Variants in SPATA16 observed in about 807,000 individuals in gnomAD.
The protein encoded by SPATA16 is spermatogenesis-associated protein 16.
Under a neutral mutation model 63.3 loss-of-function variants are expected in SPATA16, and 36 were observed. The ratio of observed to expected loss-of-function variants is 0.57; its 90% CI spans 0.44 to 0.75. The LOEUF (loss-of-function observed/expected upper bound fraction) is 0.75. SPATA16 is among the 30% of genes least tolerant of loss of function. The pLI is 0.00. For synonymous variants in SPATA16, 203 were observed against 216.7 expected, an observed-to-expected ratio of 0.94 and a Z score of 0.56; for missense variants, 646 against 679.3, an observed-to-expected ratio of 0.95 and a Z score of 0.54.
intron 6 of SPATA16, among the ~76,000 whole-genome samples, chr3:172,951,352 A>T (rs1246988311): frequency 6.6e-6 from 1 of 152,150 alleles, no homozygotes; most frequent in African/African-American, 2.4e-5. Flanking sequence ...TACAAGGCAG[A>T]TTTGAATTTT....
chr3:173,035,856 G>T (rs975887500), intron 3 of SPATA16, among the ~76,000 whole-genome samples: 1 of 152,002 alleles, frequency 6.6e-6, no homozygotes, highest in African/African-American at 2.4e-5. Context: ...CAAAAGCATG[G>T]TAGGGAAAAC....
chr3:173,038,375 A>G (rs1735762297), intron 3 of SPATA16, among the ~76,000 whole-genome samples: 1 of 152,074 alleles, frequency 6.6e-6, no homozygotes. Flanking sequence ...AGCCTGGGTG[A>G]GGCCGATTCA....
At chr3:173,096,193 A>C (rs1016079077) in intron 2 of SPATA16, among the ~76,000 whole-genome samples, 3 of 152,128 alleles carry the variant, frequency 2.0e-5, no homozygotes, top group African/African-American at 7.2e-5. Flanking sequence ...TACCTTAAGA[A>C]ATGGGCATTT....
intron 2 of SPATA16, among the ~76,000 whole-genome samples, chr3:173,059,008 A>G (rs1736314153): frequency 6.6e-6 from 1 of 151,956 alleles, no homozygotes; most frequent in South Asian, 2.1e-4. Flanking sequence ...ATTTTTCTAG[A>G]AAATCATAGG....
Position 172,977,170 on chromosome 3 carries a change from C to T in SPATA16, c.849-118G>A, listed in dbSNP as rs1241275428. The T allele has an allele frequency of 1.6e-5, 14 of 857,714 alleles. No individual in the cohort carries two copies. In the East Asian group the frequency reaches 2.9e-4, roughly 18 times the overall value. 53.1% of individuals were successfully genotyped at this position (857,714 alleles called of 1,614,324 possible). On this transcript the variant is annotated intron_variant, in intron 4 of 10. Coordinates refer to ENST00000351008, the MANE Select transcript of SPATA16 (RefSeq NM_031955.6). The stretch of plus-strand genomic sequence containing the variant: ...GATGATTTTTAATGTATAAATTTGT[C>T]TAGACTAATATTAAGCAAAACACAA...
chr3:173,032,975 A>C (rs1263796263), intron 3 of SPATA16, among the ~76,000 whole-genome samples: 1 of 152,160 alleles, frequency 6.6e-6, no homozygotes, highest in Non-Finnish European at 1.5e-5. Flanking sequence ...TGAGATCTAC[A>C]TCTCTTGTGA....
At chr3:173,121,352 T>A (rs1273048703) in intron 1 of SPATA16, among the ~76,000 whole-genome samples, 5 of 152,188 alleles carry the variant, frequency 3.3e-5, no homozygotes. Flanking sequence ...GTTTTCAGCC[T>A]TATTTAGCAC....
chr3:173,127,522 G>C (rs573790391), intron 1 of SPATA16, among the ~76,000 whole-genome samples: 1 of 152,198 alleles, frequency 6.6e-6, no homozygotes, highest in South Asian at 2.1e-4. Context: ...TCTTTCTTCA[G>C]CTTTTTTCTA....
Position 172,889,393 on chromosome 3 carries a change from G to C in SPATA16, c.*177C>G, listed in dbSNP as rs572737016. The C allele has an allele frequency of 4.5e-5, 40 of 883,854 alleles. No homozygotes were observed. In the South Asian group the frequency reaches 6.1e-4, roughly 13 times the overall value. The allele number at this position is 883,854 out of a possible 1,614,324, so 54.8% of individuals were successfully genotyped here. A position where few individuals can be genotyped will look rare whatever the true frequency, so the allele number is the denominator to read the frequency against. On this transcript the variant is annotated 3_prime_UTR_variant, in exon 11 of 11. Coordinates refer to ENST00000351008, the MANE Select transcript of SPATA16 (RefSeq NM_031955.6). ...TTGCTGAGAATATTTATTGCTGCCA[G>C]TTGAGATTAATGAAACATAGAGTGT...
At chr3:172,900,568 T>G (rs545072602) in intron 10 of SPATA16, among the ~76,000 whole-genome samples, 14 of 152,232 alleles carry the variant, frequency 9.2e-5, no homozygotes, top group Non-Finnish European at 1.8e-4. Context: ...ATTACAGTCT[T>G]ACAGATCCCA....
At chr3:172,892,341 G>C (rs1399267937) in intron 10 of SPATA16, among the ~76,000 whole-genome samples, 1 of 152,144 alleles carries the variant, frequency 6.6e-6, no homozygotes, top group Non-Finnish European at 1.5e-5. Context: ...CTGAACTTCA[G>C]TTTTCACCAA....
intron 6 of SPATA16, among the ~76,000 whole-genome samples, chr3:172,947,429 T>C (rs966641624): frequency 6.6e-6 from 1 of 152,286 alleles, no homozygotes; most frequent in Admixed American, 6.5e-5. Flanking sequence ...ACGTAATGTA[T>C]GCTCTGAGTA....
intron 1 of SPATA16, among the ~76,000 whole-genome samples, chr3:173,131,164 T>G (rs145456465): frequency 1.6e-3 from 249 of 152,216 alleles, no homozygotes; most frequent in African/African-American, 5.7e-3. Context: ...GAAAAAAAAT[T>G]TTGGTTTGTG....
chr3:173,138,398 G>A (rs1189770516), intron 1 of SPATA16, among the ~76,000 whole-genome samples: 1 of 152,020 alleles, frequency 6.6e-6, no homozygotes, highest in African/African-American at 2.4e-5. Context: ...GAAAAGTGAG[G>A]CCAATATTTT....
chr3:173,072,087 C>A (rs569232003), intron 2 of SPATA16, among the ~76,000 whole-genome samples: 1 of 152,284 alleles, frequency 6.6e-6, no homozygotes, highest in African/African-American at 2.4e-5. Context: ...GAAAATGAAT[C>A]ATTCTACAGA....
intron 10 of SPATA16, among the ~76,000 whole-genome samples, chr3:172,897,498 T>C (rs1196706758): frequency 1.3e-5 from 2 of 152,146 alleles, no homozygotes; most frequent in Admixed American, 1.3e-4. Flanking sequence ...ATACAATTCA[T>C]GTAGATGTTT....
intron 4 of SPATA16, among the ~76,000 whole-genome samples, chr3:173,012,077 G>A (rs971807877): frequency 2.0e-5 from 3 of 152,018 alleles, no homozygotes; most frequent in Non-Finnish European, 4.4e-5. Flanking sequence ...CTCCCATTTC[G>A]GCTTCTTAAA....
chr3:172,940,304 C>T (rs1323102944), intron 6 of SPATA16, among the ~76,000 whole-genome samples: 2 of 152,158 alleles, frequency 1.3e-5, no homozygotes, highest in East Asian at 1.9e-4. Flanking sequence ...TTTTGTCATA[C>T]TGAAGCCTTC....
chr3:173,099,998 T>C (rs1352144037), intron 2 of SPATA16, among the ~76,000 whole-genome samples: 1 of 152,232 alleles, frequency 6.6e-6, no homozygotes, highest in African/African-American at 2.4e-5. Context: ...TGGTGTTCTC[T>C]GAATGCTTCT....
Sources: gnomAD v4.1 joint callset for allele counts (sites outside exome capture counted in the v4.1 genomes callset) on GRCh38, gnomAD v4.1.1 for gene constraint, MANE v1.5 for transcripts, NCBI Gene and HGNC (gene_info 2026-07-23, HGNC 2026-07-21) for gene names.